The following GRIA2 variants were observed in gnomAD, a reference collection of about 807,000 sequenced individuals.
GRIA2 encodes glutamate ionotropic receptor AMPA type subunit 2.
In GRIA2, 14 loss-of-function variants were observed where a neutral mutation model predicts 97.3. The ratio of observed to expected loss-of-function variants is 0.14; its 90% CI spans 0.10 to 0.23. The LOEUF (loss-of-function observed/expected upper bound fraction) is 0.23. Ranked by LOEUF, GRIA2 falls within the 10% of genes least tolerant of loss-of-function variation. The pLI is 1.00. For synonymous variants in GRIA2, 412 were observed against 387.8 expected, an observed-to-expected ratio of 1.06 and a Z score of -0.73; for missense variants, 558 against 1,069.8, an observed-to-expected ratio of 0.52 and a Z score of 6.67.
intron 12 of GRIA2, among the ~76,000 whole-genome samples, chr4:157,345,692 T>C (rs991082857): frequency 1.3e-5 from 2 of 152,140 alleles, no homozygotes; most frequent in Non-Finnish European, 2.9e-5. Flanking sequence ...AATTATTAAC[T>C]TGCAGATAGG....
At chr4:157,347,131 T>C (rs890799541) in intron 12 of GRIA2, among the ~76,000 whole-genome samples, 4 of 152,110 alleles carry the variant, frequency 2.6e-5, no homozygotes, top group African/African-American at 9.7e-5. Flanking sequence ...TTAAATTTCA[T>C]AGGAAGAGAA....
intron 3 of GRIA2, among the ~76,000 whole-genome samples, chr4:157,304,514 C>A (rs891750863): frequency 3.9e-5 from 6 of 152,112 alleles, no homozygotes; most frequent in Non-Finnish European, 8.8e-5. Flanking sequence ...GTGTTTTTAA[C>A]CATTCCCAGG....
chr4:157,360,627 C>G, intron 13 of GRIA2: 1 of 447,134 alleles, frequency 2.2e-6, no homozygotes, highest in South Asian at 1.7e-5. Flanking sequence ...AAGGAAAATG[C>G]ACTTTGAATT....
chr4:157,237,912 G>T (rs1445960748), intron 2 of GRIA2, among the ~76,000 whole-genome samples: 2 of 152,060 alleles, frequency 1.3e-5, no homozygotes, highest in Non-Finnish European at 2.9e-5. Flanking sequence ...CCTATATCAA[G>T]ATTTAAGTAA....
intron 2 of GRIA2, among the ~76,000 whole-genome samples, chr4:157,228,650 A>C (rs1729856153): frequency 6.6e-6 from 1 of 151,968 alleles, no homozygotes; most frequent in East Asian, 1.9e-4. Context: ...AGAAGTAGCC[A>C]GGCGTGGTGG....
intron 2 of GRIA2, among the ~76,000 whole-genome samples, chr4:157,299,314 A>G (rs1733508479): frequency 6.6e-6 from 1 of 152,076 alleles, no homozygotes; most frequent in African/African-American, 2.4e-5. Context: ...TTAGGAGAGA[A>G]GGAGAGAGGC....
intron 3 of GRIA2, among the ~76,000 whole-genome samples, chr4:157,306,171 C>T (rs1733834459): frequency 6.6e-6 from 1 of 152,104 alleles, no homozygotes; most frequent in Admixed American, 6.6e-5. Context: ...TAAGAATACA[C>T]TTCGCCTTCA....
chr4:157,305,221 G>A (rs898155250), intron 3 of GRIA2, among the ~76,000 whole-genome samples: 7 of 152,154 alleles, frequency 4.6e-5, no homozygotes, highest in African/African-American at 1.7e-4. Context: ...CCTGAAATAT[G>A]GGTGTATTCT....
chr4:157,337,991 T>A (rs1422753991), intron 11 of GRIA2, among the ~76,000 whole-genome samples: 1 of 143,462 alleles, frequency 7.0e-6, no homozygotes, highest in Non-Finnish European at 1.5e-5. Context: ...GCATGACATA[T>A]GTGTGTATAT....
intron 2 of GRIA2, among the ~76,000 whole-genome samples, chr4:157,235,619 G>A (rs1262143468): frequency 6.6e-6 from 1 of 151,886 alleles, no homozygotes; most frequent in East Asian, 1.9e-4. Context: ...TGAAAACTTG[G>A]GTAGCCAAAT....
intron 2 of GRIA2, among the ~76,000 whole-genome samples, chr4:157,252,650 TC>T (rs1481346850): frequency 2.6e-5 from 4 of 152,116 alleles, no homozygotes; most frequent in Admixed American, 2.6e-4. Flanking sequence ...TTCTAAATGA[TC>T]AATGCATAAT....
At chr4:157,351,878 T>C (rs977138904) in intron 12 of GRIA2, among the ~76,000 whole-genome samples, 1 of 152,324 alleles carries the variant, frequency 6.6e-6, no homozygotes, top group Non-Finnish European at 1.5e-5. Flanking sequence ...ATGAGTCCTC[T>C]CCAGCCATGC....
rs148515318 is a variant in GRIA2 at position 157,361,187 on chromosome 4, C to T, written c.2406+63C>T. On this transcript the variant is annotated intron_variant, in intron 14 of 15. Coordinates refer to ENST00000264426, the MANE Select transcript of GRIA2 (RefSeq NM_001083619.3). The surrounding 1 kb of genome is among the most constrained non-coding windows in gnomAD (Gnocchi z 5.2). ...CAAAACAAAGTAAGCAGCAGCTATG[C>T]ACAGTGTGGGCACTCCGTGCCACCA... is the stretch of plus-strand genomic sequence containing the variant. 3 of 1,289,366 alleles carry T rather than the reference C, an allele frequency of 2.3e-6. No individual in the cohort carries two copies. Among genetic ancestry groups the T allele is most frequent in the Non-Finnish European group, 3.4e-6 (3 of 889,846 alleles). The allele number at this position is 1,289,366 out of a possible 1,614,324, so 79.9% of individuals were successfully genotyped here. A position where few individuals can be genotyped will look rare whatever the true frequency, so the allele number is the denominator to read the frequency against.
At chr4:157,362,427 C>A (rs1339163542) in intron 14 of GRIA2, 1 of 462,084 alleles carries the variant, frequency 2.2e-6, no homozygotes, top group Non-Finnish European at 4.3e-6. Context: ...TCGCTGTCAG[C>A]TTTACCAGAT....
In GRIA2 at chr4:157,362,892, G is replaced by C. The variant is rs1736696542; in HGVS notation, c.2500G>C (p.Glu834Gln). 1 of 1,613,446 alleles carries C rather than the reference G, an allele frequency of 6.2e-7. No homozygotes were observed. Among genetic ancestry groups the C allele is most frequent in the African/African-American group, 1.3e-5 (1 of 74,838 alleles). ...TTTGGCAATGCTGGTGGCTTTGATT[G>C]AGTTCTGTTACAAGTCAAGGGCCGA... ...LGLAMLVALI[E>Q]FCYKSRAEAK... Residue 834 changes from glutamate to glutamine, a missense_variant, in exon 15 of 16, where the codon GAG becomes CAG. This residue lies in a region of GRIA2 where 54 missense variants were observed against 82.1 expected (regional missense o/e 0.66). Transcript: ENST00000264426.
Position 157,361,163 on chromosome 4 carries a change from A to G in GRIA2, c.2406+39A>G. ...AGAAAAGTAATGGGTAACTCAATGC[A>G]AAACAAAGTAAGCAGCAGCTATGCA... On this transcript the variant is annotated intron_variant, in intron 14 of 15. Transcript: ENST00000264426. This position sits in a 1 kb window ranked among gnomAD's most constrained non-coding sequence, Gnocchi z 5.2. 4 of 1,452,162 alleles carry G rather than the reference A, an allele frequency of 2.8e-6. No homozygotes were observed. Among genetic ancestry groups the G allele is most frequent in the Non-Finnish European group, 3.9e-6 (4 of 1,033,544 alleles). The allele number at this position is 1,452,162 out of a possible 1,614,324, so 90.0% of individuals were successfully genotyped here.
intron 6 of GRIA2, among the ~76,000 whole-genome samples, chr4:157,325,868 G>T (rs1382195188): frequency 6.6e-6 from 1 of 152,088 alleles, no homozygotes; most frequent in Non-Finnish European, 1.5e-5. Flanking sequence ...TTCTAAAATT[G>T]ATTTCCCTCC....
rs1560781104 is a variant in GRIA2 at position 157,355,925 on chromosome 4, A to ATATATAAATATATATATTAATATATT, written c.2044-3965_2044-3964insAATATATATATTAATATATTTATATA. On this transcript the variant is annotated intron_variant, in intron 12 of 15. Coordinates refer to ENST00000264426, the MANE Select transcript of GRIA2 (RefSeq NM_001083619.3). ...TAAATATATATATATTAATATATTT[A>ATATATAAATATATATATTAATATATT]TATATATTTATATATTAATATATAT... Among the ~76,000 whole-genome samples the ATATATAAATATATATATTAATATATT allele has an allele frequency of 3.5e-5, 2 of 57,324 alleles. 1 individual carries two copies. Among genetic ancestry groups the ATATATAAATATATATATTAATATATT allele is most frequent in the African/African-American group, 1.4e-4 (2 of 14,216 alleles). 37.6% of individuals were successfully genotyped at this position (57,324 alleles called of 152,430 possible).
At chr4:157,293,773 A>G (rs909565870) in intron 2 of GRIA2, among the ~76,000 whole-genome samples, 4 of 152,110 alleles carry the variant, frequency 2.6e-5, no homozygotes, top group Admixed American at 2.6e-4. Context: ...AGGCGTTACA[A>G]TGGAATAGGG....
Sources: gnomAD v4.1 joint callset for allele counts (sites outside exome capture counted in the v4.1 genomes callset) on GRCh38, gnomAD v4.1.1 for gene constraint, gnomAD v4.1.1 regional missense constraint, Gnocchi (gnomAD v3.1) non-coding constraint, MANE v1.5 for transcripts, NCBI Gene and HGNC (gene_info 2026-07-23, HGNC 2026-07-21) for gene names.